Variants in TREM1 observed in about 807,000 individuals in gnomAD.
The protein encoded by TREM1 is triggering receptor expressed on monocytes 1.
A neutral mutation model predicts 22.4 loss-of-function variants in TREM1; 16 were observed. The observed-to-expected ratio is 0.71, with a 90% CI of 0.48 to 1.08. TREM1 has a LOEUF of 1.08. Ranked by LOEUF, TREM1 falls within the 50% of genes least tolerant of loss-of-function variation. TREM1 has a pLI of 0.00. For synonymous variants in TREM1, 110 were observed against 111.6 expected, an observed-to-expected ratio of 0.99 and a Z score of 0.09; for missense variants, 283 against 282.9, an observed-to-expected ratio of 1.00 and a Z score of 0.00.
At chr6:41,268,154 T>A (rs1767381687) in intron 3 of TREM1, 1 of 398,110 alleles carries the variant, frequency 2.5e-6, no homozygotes, top group African/African-American at 2.1e-5. Context: ...CAAGGACGTT[T>A]CACTTGGCAT....
At chr6:41,270,092 G>C (rs983797218), downstream of TREM1, 1 of 152,160 alleles carries the variant, frequency 6.6e-6, no homozygotes, top group Non-Finnish European at 1.5e-5. Flanking sequence ...GTCTCTGGGG[G>C]ACCCTGGCTC....
In TREM1 at chr6:41,286,316, G is replaced by T. The variant is rs149436859; in HGVS notation, c.49+291C>A. ...AATTTCAACATCAAATAAACTTATT[G>T]TAGATCATGCCATGATGAGATCTAC... On this transcript the variant is annotated intron_variant, in intron 1 of 3. Transcript: ENST00000244709. Among the ~76,000 whole-genome samples, 678 of 151,634 alleles carry T rather than the reference G, an allele frequency of 4.5e-3. 2 individuals carry two copies. The highest frequency in any genetic ancestry group is 5.4e-3 in the Non-Finnish European group (367 of 67,812).
intron 1 of TREM1, among the ~76,000 whole-genome samples, chr6:41,284,114 T>G (rs1218353864): frequency 6.6e-6 from 1 of 152,092 alleles, no homozygotes; most frequent in Non-Finnish European, 1.5e-5. Context: ...CTATTTTTGA[T>G]GTCACGGAGT....
chr6:41,268,442 G>A (rs1457107921), intron 3 of TREM1, among the ~76,000 whole-genome samples: 1 of 152,124 alleles, frequency 6.6e-6, no homozygotes, highest in African/African-American at 2.4e-5. Context: ...TTAAATTAAA[G>A]AACTGGGCAG....
rs1477744841 is a variant in TREM1, at chr6:41,274,475, C to T, written c.*1650G>A. ...GCTGGGATTGCTAAAGTGTGGGGTT[C>T]CAGACCAGCAAGCTCAGCATTATTA... On this transcript the variant is annotated 3_prime_UTR_variant, in exon 4 of 4. Transcript: ENST00000244709. 6.6e-6 allele frequency among the ~76,000 whole-genome samples: 1 copy of T among 152,142 alleles called. No individual in the cohort carries two copies. Among genetic ancestry groups the T allele is most frequent in the African/African-American group, 2.4e-5 (1 of 41,432 alleles).
At chr6:41,280,618 A>G in intron 3 of TREM1, 1 of 1,331,648 alleles carries the variant, frequency 7.5e-7, no homozygotes, top group Non-Finnish European at 9.6e-7. Flanking sequence ...CACTAGATCC[A>G]GGGCCCCTCA....
At chr6:41,277,101 C>T (rs1767701720) in intron 3 of TREM1, among the ~76,000 whole-genome samples, 2 of 151,798 alleles carry the variant, frequency 1.3e-5, no homozygotes, top group South Asian at 4.2e-4. Context: ...GAAAAGTCAC[C>T]AGGAAATAGA....
intron 3 of TREM1, chr6:41,280,618 A>C: frequency 1.5e-6 from 2 of 1,331,648 alleles, no homozygotes; most frequent in Non-Finnish European, 1.9e-6. Context: ...CACTAGATCC[A>C]GGGCCCCTCA....
At chr6:41,283,688 G>C (rs970114021) in intron 1 of TREM1, among the ~76,000 whole-genome samples, 3 of 149,576 alleles carry the variant, frequency 2.0e-5, no homozygotes, top group Middle Eastern at 3.4e-3. Flanking sequence ...CTCCAGCCTG[G>C]GCCACAGGGC....
At chr6:41,267,947 T>C in exon 4 of TREM1, 1 of 398,640 alleles carries the variant, frequency 2.5e-6, no homozygotes, top group Non-Finnish European at 4.4e-6. Flanking sequence ...AGGGCGTAGG[T>C]TTTCCTTTAT....
chr6:41,275,945 T>G lies in TREM1; in HGVS notation c.*180A>C. On this transcript the variant is annotated 3_prime_UTR_variant, in exon 4 of 4. Coordinates refer to ENST00000244709, the MANE Select transcript of TREM1 (RefSeq NM_018643.5). ...CTGAGGCACAAATGCCCACCCAAGA[T>G]TATTAGAGGAACGAGGGCAGTGGGC... 1 of 591,294 alleles carries G rather than the reference T, an allele frequency of 1.7e-6. No individual in the cohort carries two copies. Among genetic ancestry groups the G allele is most frequent in the Non-Finnish European group, 3.0e-6 (1 of 330,298 alleles). 36.6% of individuals were successfully genotyped at this position (591,294 alleles called of 1,614,324 possible).
intron 3 of TREM1, chr6:41,279,989 T>C (rs1191337681): frequency 3.1e-6 from 3 of 979,410 alleles, no homozygotes; most frequent in Non-Finnish European, 1.2e-6. Context: ...GTTATGTAAG[T>C]TATGGCTTTC....
At position 41,274,795 on chromosome 6, in the gene TREM1, T is replaced by G. The variant is rs938071428; in HGVS notation, c.*1330A>C. On this transcript the variant is annotated 3_prime_UTR_variant, in exon 4 of 4. Transcript: ENST00000244709. ...GCAGTCTGGAAGCTGGACCTCCCCG[T>G]GCAGGGAACTTTTTCCACAGAAGTG... 6.6e-6 allele frequency among the ~76,000 whole-genome samples: 1 copy of G among 152,110 alleles called. No individual in the cohort carries two copies. The highest frequency in any genetic ancestry group is 6.5e-5 in the Admixed American group (1 of 15,274).
chr6:41,284,020 C>G (rs958711105), intron 1 of TREM1, among the ~76,000 whole-genome samples: 1 of 150,960 alleles, frequency 6.6e-6, no homozygotes, highest in Non-Finnish European at 1.5e-5. Context: ...AAAAAACCCA[C>G]GTTATCTGAG....
intron 1 of TREM1, 97 bp downstream of exon 1, chr6:41,286,510 T>C: frequency 7.3e-7 from 1 of 1,366,218 alleles, no homozygotes; most frequent in Non-Finnish European, 1.0e-6. Context: ...GTTGGCTCTA[T>C]CTTGGATGGC....
chr6:41,283,056 G>A (rs1408839569), intron 1 of TREM1, among the ~76,000 whole-genome samples: 1 of 152,204 alleles, frequency 6.6e-6, no homozygotes, highest in African/African-American at 2.4e-5. Flanking sequence ...GACAGAACAT[G>A]GGATATTGTA....
chr6:41,272,189 G>A (rs553267831), downstream of TREM1, among the ~76,000 whole-genome samples: 3 of 152,140 alleles, frequency 2.0e-5, no homozygotes, highest in African/African-American at 7.2e-5. Flanking sequence ...CCACCCTTGT[G>A]ACAGCTTCTT....
At position 41,282,422 on chromosome 6, in the gene TREM1, CG is replaced by C; in HGVS notation, c.378del (p.Phe126LeufsTer8). On this transcript the variant is annotated frameshift_variant, in exon 2 of 4. Transcript: ENST00000244709. LOFTEE classifies it high-confidence loss of function. ...TTGGTCACCACCAAGCGGATGCGAT[CG>C]AACAGCATGTGAGGCTCCTTGGGAG... The part of the protein sequence containing the change: ...YQPPKEPHML[F>X]DRIRLVVTKG... 1 of 1,613,080 alleles carries C rather than the reference CG, an allele frequency of 6.2e-7. No individual in the cohort carries two copies. Among genetic ancestry groups the C allele is most frequent in the Non-Finnish European group, 8.5e-7 (1 of 1,179,398 alleles).
chr6:41,268,242 A>G (rs1055409420), intron 3 of TREM1, among the ~76,000 whole-genome samples: 4 of 152,230 alleles, frequency 2.6e-5, no homozygotes, highest in Non-Finnish European at 5.9e-5. Flanking sequence ...CTCTGGCTAG[A>G]TTAGCCTCAA....
Sources: allele counts gnomAD v4.1 joint callset (sites outside exome capture counted in the v4.1 genomes callset), GRCh38; gene constraint gnomAD v4.1.1; transcripts MANE v1.5; gene names NCBI Gene and HGNC (gene_info 2026-07-23, HGNC 2026-07-21).